PDE4D: variants seen among roughly 807,000 people sequenced by gnomAD.
PDE4D encodes phosphodiesterase 4D.
PDE4D carries 24 observed loss-of-function variants against 87.4 expected under a neutral mutation model. That is an observed-to-expected ratio of 0.27 (90% CI 0.20 to 0.39). PDE4D has a LOEUF of 0.39. Among genes scored for constraint, PDE4D ranks in the 10% least tolerant of loss-of-function variants. PDE4D has a pLI of 1.00. For synonymous variants in PDE4D, 384 were observed against 383.2 expected (o/e 1.00, Z -0.02); for missense variants, 714 against 1,041.0 (o/e 0.69, Z 4.32).
At chr5:60,182,788 G>A (rs905848860) in intron 2 of PDE4D, among the ~76,000 whole-genome samples, 14 of 152,098 alleles carry the variant, frequency 9.2e-5, no homozygotes, top group Admixed American at 9.2e-4. Flanking sequence ...GCTGAGGCAG[G>A]AGAATGGCGT....
chr5:60,420,960 G>A (rs1361938891), intron 1 of PDE4D, among the ~76,000 whole-genome samples: 5 of 152,202 alleles, frequency 3.3e-5, no homozygotes, highest in East Asian at 1.9e-4. Flanking sequence ...ATTGACCTGC[G>A]AGGCAGCAGC....
At chr5:60,416,086 G>T (rs1358290555) in intron 1 of PDE4D, among the ~76,000 whole-genome samples, 1 of 152,118 alleles carries the variant, frequency 6.6e-6, no homozygotes, top group Non-Finnish European at 1.5e-5. Context: ...CTAGCTCAGG[G>T]TTTGTAAATA....
upstream of PDE4D, among the ~76,000 whole-genome samples, chr5:59,895,956 T>C (rs1751593511): frequency 6.6e-6 from 1 of 152,234 alleles, no homozygotes; most frequent in African/African-American, 2.4e-5. Context: ...TACTATGTAA[T>C]TGCAAGTCAG....
intron 1 of PDE4D, among the ~76,000 whole-genome samples, chr5:59,344,919 C>T (rs1371426910): frequency 6.6e-6 from 1 of 152,062 alleles, no homozygotes; most frequent in African/African-American, 2.4e-5. Flanking sequence ...CTGACATCAT[C>T]TAATAATTAA....
intron 1 of PDE4D, among the ~76,000 whole-genome samples, chr5:59,257,766 G>A (rs1377627390): frequency 6.6e-6 from 1 of 152,028 alleles, no homozygotes; most frequent in East Asian, 1.9e-4. Flanking sequence ...TCTTGGGAGG[G>A]TCTTAAACTT....
In PDE4D at chr5:60,028,573, C is replaced by T. The variant is rs191981712; in HGVS notation, c.43-39856G>A. ...TCAACTCAAAACCTTTCATGGTTGC[C>T]GCTGACTGAAGGAAGTATCCCAATT... On this transcript the variant is annotated intron_variant, in intron 2 of 16. Coordinates refer to the PDE4D transcript ENST00000502484. Among the ~76,000 whole-genome samples, 403 of 152,208 alleles carry T rather than the reference C, an allele frequency of 2.6e-3. 2 individuals are homozygous for T. The highest frequency in any genetic ancestry group is 9.2e-3 in the African/African-American group (383 of 41,538).
At chr5:59,127,777 C>T (rs1202161162) in intron 5 of PDE4D, among the ~76,000 whole-genome samples, 1 of 152,098 alleles carries the variant, frequency 6.6e-6, no homozygotes. Context: ...GAAACCAGTC[C>T]TCAGAGGCTC....
chr5:60,200,458 T>C lies in PDE4D; in HGVS notation c.-89-14771A>G, dbSNP rs778524327. 8.6e-5 allele frequency among the ~76,000 whole-genome samples: 13 copies of C among 151,826 alleles called. 1 individual carries two copies. The South Asian group carries it at 1.2e-3, about 15-fold the overall frequency. Reference sequence around the variant, plus strand: ...AAACTATTCTAATCCCGAAATGAATTAAAGTTTGGGTGTTTTTCCCCACCT... The same window carrying C: ...AAACTATTCTAATCCCGAAATGAATCAAAGTTTGGGTGTTTTTCCCCACCT... On this transcript the variant is annotated intron_variant, in intron 1 of 16. Transcript: ENST00000502484.
chr5:59,234,020 G>A (rs901611104), intron 1 of PDE4D, among the ~76,000 whole-genome samples: 2 of 152,042 alleles, frequency 1.3e-5, no homozygotes, highest in African/African-American at 4.8e-5. Context: ...CAAGATAAAT[G>A]CACAGCTGTT....
intron 1 of PDE4D, among the ~76,000 whole-genome samples, chr5:59,574,369 T>C (rs1391338393): frequency 1.3e-5 from 2 of 151,362 alleles, no homozygotes; most frequent in African/African-American, 4.9e-5. Flanking sequence ...TTGTCTTAAA[T>C]GCTGCCTGGG....
intron 5 of PDE4D, among the ~76,000 whole-genome samples, chr5:59,104,517 G>A (rs1771272162): frequency 6.6e-6 from 1 of 152,126 alleles, no homozygotes; most frequent in Non-Finnish European, 1.5e-5. Context: ...AATCTAAAGG[G>A]ATACATAGCC....
At chr5:60,198,810 C>G (rs1741587862) in intron 1 of PDE4D, among the ~76,000 whole-genome samples, 1 of 151,570 alleles carries the variant, frequency 6.6e-6, no homozygotes, top group Non-Finnish European at 1.5e-5. Context: ...TTTGGCTTAT[C>G]CTTCTCATCT....
intron 1 of PDE4D, among the ~76,000 whole-genome samples, chr5:59,423,905 ACAGT>A (rs760103961): frequency 2.6e-5 from 4 of 151,664 alleles, no homozygotes; most frequent in Non-Finnish European, 4.4e-5. Flanking sequence ...TCTGTGGATG[ACAGT>A]CAGGAAGAGG....
At chr5:59,702,230 T>C (rs1453774272) in intron 1 of PDE4D, among the ~76,000 whole-genome samples, 1 of 152,036 alleles carries the variant, frequency 6.6e-6, no homozygotes, top group African/African-American at 2.4e-5. Context: ...TTCACGTCAT[T>C]CTCCTGCCTC....
chr5:59,449,081 C>A (rs1166178039), intron 1 of PDE4D, among the ~76,000 whole-genome samples: 1 of 152,180 alleles, frequency 6.6e-6, no homozygotes, highest in Non-Finnish European at 1.5e-5. Flanking sequence ...AATCAAAGAA[C>A]AATGCTTTTG....
chr5:58,980,836 T>A (rs981740290), intron 11 of PDE4D, among the ~76,000 whole-genome samples: 1 of 152,078 alleles, frequency 6.6e-6, no homozygotes, highest in Non-Finnish European at 1.5e-5. Flanking sequence ...AAAAGACACA[T>A]TTATTTATTA....
At chr5:59,113,662 A>G (rs1275846798) in intron 5 of PDE4D, among the ~76,000 whole-genome samples, 1 of 152,228 alleles carries the variant, frequency 6.6e-6, no homozygotes, top group Non-Finnish European at 1.5e-5. Flanking sequence ...AGGGTACAAC[A>G]AAAGGCAGAT....
chr5:60,195,925 T>A (rs555538256), intron 1 of PDE4D, among the ~76,000 whole-genome samples: 1 of 151,872 alleles, frequency 6.6e-6, no homozygotes, highest in African/African-American at 2.4e-5. Context: ...CATTGACGGT[T>A]CTTTTCATCT....
intron 3 of PDE4D, among the ~76,000 whole-genome samples, chr5:59,939,546 C>T (rs574989428): frequency 1.6e-4 from 25 of 152,184 alleles, no homozygotes; most frequent in South Asian, 4.2e-4. Context: ...CATCTGACCT[C>T]GTGAGGAGGA....
Sources: gnomAD v4.1 joint callset for allele counts (sites outside exome capture counted in the v4.1 genomes callset) on GRCh38, gnomAD v4.1.1 for gene constraint, MANE v1.5 for transcripts, NCBI Gene and HGNC (gene_info 2026-07-23, HGNC 2026-07-21) for gene names.